Variants in GLRA3 observed in about 807,000 individuals in gnomAD.
GLRA3 encodes the protein glycine receptor subunit alpha-3.
In GLRA3, 44 loss-of-function variants were observed where a neutral mutation model predicts 60.4. That is an observed-to-expected ratio of 0.73 (90% CI 0.57 to 0.94). GLRA3 has a LOEUF of 0.94. Among genes scored for constraint, GLRA3 ranks in the 40% least tolerant of loss-of-function variants. GLRA3 has a pLI of 0.00. For missense variants in GLRA3, 508 were observed against 564.6 expected (o/e 0.90, Z 1.02); for synonymous variants, 223 against 192.9 (o/e 1.16, Z -1.29).
intron 1 of GLRA3, among the ~76,000 whole-genome samples, chr4:174,820,618 T>G (rs909118516): frequency 6.6e-6 from 1 of 152,070 alleles, no homozygotes. Flanking sequence ...GTGAAATGAG[T>G]TAAACAGGAA....
intron 5 of GLRA3, among the ~76,000 whole-genome samples, chr4:174,706,442 T>C (rs990757436): frequency 1.3e-5 from 2 of 152,158 alleles, no homozygotes; most frequent in Admixed American, 6.5e-5. Flanking sequence ...ATCAAACATC[T>C]TTGTAACAAC....
At chr4:174,706,186 C>A (rs1376968920) in intron 5 of GLRA3, among the ~76,000 whole-genome samples, 3 of 151,510 alleles carry the variant, frequency 2.0e-5, no homozygotes, top group African/African-American at 7.3e-5. Context: ...GCCGAGTTCA[C>A]GCCACTGCAC....
intron 6 of GLRA3, among the ~76,000 whole-genome samples, chr4:174,681,354 C>T (rs953871281): frequency 2.0e-5 from 3 of 152,136 alleles, no homozygotes; most frequent in African/African-American, 7.2e-5. Flanking sequence ...CATGTCCACC[C>T]AGAATGTGTG....
At chr4:174,798,216 C>T (rs1336646454) in intron 1 of GLRA3, among the ~76,000 whole-genome samples, 1 of 152,102 alleles carries the variant, frequency 6.6e-6, no homozygotes, top group East Asian at 1.9e-4. Flanking sequence ...AGTGCCCAGG[C>T]TCCTGAAGCA....
At chr4:174,648,188 T>C (rs1472694533) in intron 9 of GLRA3, among the ~76,000 whole-genome samples, 1 of 152,102 alleles carries the variant, frequency 6.6e-6, no homozygotes, top group Non-Finnish European at 1.5e-5. Flanking sequence ...GGACTGAGTG[T>C]GGCAGCTTAC....
chr4:174,773,747 A>G (rs1240055769), intron 2 of GLRA3, among the ~76,000 whole-genome samples: 1 of 152,198 alleles, frequency 6.6e-6, no homozygotes, highest in Non-Finnish European at 1.5e-5. Context: ...ATTATGGCAT[A>G]GAAGCAGAAT....
chr4:174,728,420 A>C, intron 4 of GLRA3, 55 bp downstream of exon 4: 1 of 981,846 alleles, frequency 1.0e-6, no homozygotes, highest in Non-Finnish European at 1.6e-6. Context: ...ACCAACCAAC[A>C]ATACACCATG....
chr4:174,761,762 G>C (rs1378217746), intron 3 of GLRA3, among the ~76,000 whole-genome samples: 5 of 152,110 alleles, frequency 3.3e-5, no homozygotes, highest in Non-Finnish European at 7.4e-5. Flanking sequence ...GATTTAAAAG[G>C]GGTATAAGCA....
rs1466763451 is a variant in GLRA3, at chr4:174,640,987, CA to C, written c.*2798del. 1.4e-5 allele frequency: 2 copies of C among 141,750 alleles called. No individual in the cohort carries two copies. The highest frequency in any genetic ancestry group is 4.5e-4 in the East Asian group (2 of 4,434). 8.8% of individuals were successfully genotyped at this position (141,750 alleles called of 1,614,324 possible). A position where few individuals can be genotyped will look rare whatever the true frequency, so the allele number is the denominator to read the frequency against. ...AGTTGTAAAGTAAGTTCTAGAGCCT[CA>C]TTATGGTTTAAGTTCAATTCTAATG... is the stretch of plus-strand genomic sequence containing the variant. On this transcript the variant is annotated 3_prime_UTR_variant, in exon 10 of 10. Transcript: ENST00000274093.
intron 5 of GLRA3, among the ~76,000 whole-genome samples, chr4:174,714,989 T>C (rs546897264): frequency 6.6e-6 from 1 of 152,312 alleles, no homozygotes; most frequent in African/African-American, 2.4e-5. Context: ...ATTAAAATAA[T>C]AAACATTGCT....
At chr4:174,733,384 GT>G (rs1335553914) in intron 3 of GLRA3, among the ~76,000 whole-genome samples, 1 of 152,106 alleles carries the variant, frequency 6.6e-6, no homozygotes, top group African/African-American at 2.4e-5. Context: ...TGTATGTTGT[GT>G]TTTTTTGACA....
chr4:174,727,507 T>C (rs541693978), intron 4 of GLRA3, among the ~76,000 whole-genome samples: 1 of 152,320 alleles, frequency 6.6e-6, no homozygotes, highest in Non-Finnish European at 1.5e-5. Context: ...AAGTATAACA[T>C]ATTCTCCCTC....
In GLRA3 at chr4:174,656,849, T is replaced by C. The variant is rs1579395978; in HGVS notation, c.1072-62A>G. 9.1e-6 allele frequency: 8 copies of C among 880,380 alleles called. No individual in the cohort carries two copies. In the East Asian group the frequency reaches 2.0e-4, roughly 22 times the overall value. The allele number at this position is 880,380 out of a possible 1,614,324, so 54.5% of individuals were successfully genotyped here. ...AACCAGAGAATCAATTCATATATGA[T>C]TAAATATAATTACACAATTGGTTGT... On this transcript the variant is annotated intron_variant, in intron 8 of 9. Coordinates refer to ENST00000274093, the MANE Select transcript of GLRA3 (RefSeq NM_006529.4).
intron 2 of GLRA3, among the ~76,000 whole-genome samples, chr4:174,780,090 G>A (rs1238200476): frequency 6.7e-6 from 1 of 149,446 alleles, no homozygotes; most frequent in Non-Finnish European, 1.5e-5. Context: ...TCAAAGGGAA[G>A]CCCATCAGAC....
intron 1 of GLRA3, among the ~76,000 whole-genome samples, chr4:174,817,298 A>T (rs1179979399): frequency 6.6e-6 from 1 of 152,222 alleles, no homozygotes; most frequent in African/African-American, 2.4e-5. Context: ...ATCTCAAAGA[A>T]GCAATCCCGC....
chr4:174,660,748 C>G (rs1733402363), intron 7 of GLRA3, among the ~76,000 whole-genome samples: 2 of 152,162 alleles, frequency 1.3e-5, no homozygotes, highest in Admixed American at 1.3e-4. Flanking sequence ...AATTAGCATT[C>G]TACTGTAAGA....
rs369192762 is a variant in GLRA3 at position 174,771,559 on chromosome 4, G to C, written c.200-4529C>G. Among the ~76,000 whole-genome samples the C allele has an allele frequency of 2.2e-4, 34 of 151,928 alleles. No individual in the cohort carries two copies. In the East Asian group the frequency reaches 6.0e-3, roughly 27 times the overall value. On this transcript the variant is annotated intron_variant, in intron 2 of 9. Coordinates refer to ENST00000274093, the MANE Select transcript of GLRA3 (RefSeq NM_006529.4). ...ATCCTCTGGAAAAAGGAAAACATAA[G>C]AACATCAGTATTGGGTTAATTCACC... is the stretch of plus-strand genomic sequence containing the variant.
intron 7 of GLRA3, among the ~76,000 whole-genome samples, chr4:174,673,025 A>G (rs1377208768): frequency 6.6e-6 from 1 of 152,128 alleles, no homozygotes; most frequent in Non-Finnish European, 1.5e-5. Context: ...GCATAGTGAC[A>G]CTTGTGTACT....
intron 1 of GLRA3, among the ~76,000 whole-genome samples, chr4:174,827,082 G>T (rs1433382470): frequency 1.3e-5 from 2 of 151,832 alleles, no homozygotes; most frequent in African/African-American, 4.8e-5. Context: ...GTAAACTTTT[G>T]TATGTTGTAT....
Sources: gnomAD v4.1 joint callset for allele counts (sites outside exome capture counted in the v4.1 genomes callset) on GRCh38, gnomAD v4.1.1 for gene constraint, MANE v1.5 for transcripts, NCBI Gene and HGNC (gene_info 2026-07-23, HGNC 2026-07-21) for gene names.